The following LYAR variants were observed in gnomAD, a reference collection of about 807,000 sequenced individuals.
LYAR encodes the protein Ly1 antibody reactive, also known as cell growth-regulating nucleolar protein.
Under a neutral mutation model 45.2 loss-of-function variants are expected in LYAR, and 37 were observed. The ratio of observed to expected loss-of-function variants is 0.82; its 90% CI spans 0.63 to 1.08. The LOEUF (loss-of-function observed/expected upper bound fraction) is 1.08, where lower values mean the gene tolerates loss of function less well. Among genes scored for constraint, LYAR ranks in the 50% least tolerant of loss-of-function variants. LYAR has a pLI of 0.00. For missense variants in LYAR, 493 were observed against 451.0 expected (o/e 1.09, Z -0.84); for synonymous variants, 176 against 155.1 (o/e 1.14, Z -1.00).
Position 4,281,896 on chromosome 4 carries a change from C to T in LYAR, c.124G>A (p.Gly42Ser). The change falls in exon 4 of 10, where the codon GGC (glycine) becomes AGC (serine). Residue 42 changes from glycine to serine, a missense_variant and splice_region_variant. By Grantham distance (56) the Gly-to-Ser change is moderately conservative (BLOSUM62 0). Transcript: ENST00000343470. ...TTCACGTGGTTTTTATAGTCATCGC[C>T]CCTTTAAAGTGATCAAAAGTTCTGC... ...SCIDCGKDFWGDDYKNHVKCI... is the reference protein window; with the variant it reads ...SCIDCGKDFWSDDYKNHVKCI... 1.9e-6 allele frequency: 3 copies of T among 1,609,074 alleles called. No individual in the cohort carries two copies. The highest frequency in any genetic ancestry group is 1.7e-6 in the Non-Finnish European group (2 of 1,175,630).
intron 2 of LYAR, among the ~76,000 whole-genome samples, chr4:4,285,959 A>G (rs1307184232): frequency 2.6e-5 from 4 of 152,244 alleles, no homozygotes; most frequent in African/African-American, 9.6e-5. Flanking sequence ...TCGGCTACAC[A>G]CTACAGTGTA....
intron 7 of LYAR, among the ~76,000 whole-genome samples, chr4:4,273,983 C>T (rs62286950): frequency 0.076 from 11,634 of 152,172 alleles, 604 homozygotes; most frequent in East Asian, 0.19. Context: ...ATGCCTGTAA[C>T]CCCAGCACTT....
At chr4:4,278,525 C>A (rs1719277915) in intron 6 of LYAR, among the ~76,000 whole-genome samples, 2 of 152,174 alleles carry the variant, frequency 1.3e-5, no homozygotes, top group Non-Finnish European at 2.9e-5. Flanking sequence ...GCTTCAAGCA[C>A]ACTGCTCATC....
intron 8 of LYAR, among the ~76,000 whole-genome samples, 183 bp downstream of exon 8, chr4:4,273,400 C>T (rs890807540): frequency 2.6e-5 from 4 of 152,122 alleles, no homozygotes; most frequent in Admixed American, 1.3e-4. Context: ...TACAAGGGAC[C>T]GTGTATTTCT....
chr4:4,289,186 C>A (rs971365886), intron 1 of LYAR, among the ~76,000 whole-genome samples: 2 of 152,204 alleles, frequency 1.3e-5, no homozygotes, highest in African/African-American at 4.8e-5. Context: ...GAAGTAGGTG[C>A]ACCTATCTCC....
intron 1 of LYAR, among the ~76,000 whole-genome samples, chr4:4,288,458 T>C (rs917120877): frequency 1.3e-5 from 2 of 151,938 alleles, no homozygotes; most frequent in Non-Finnish European, 2.9e-5. Flanking sequence ...TCCCTCTATA[T>C]TTTTGTATTA....
intron 8 of LYAR, among the ~76,000 whole-genome samples, chr4:4,270,049 G>A (rs1339214368): frequency 2.0e-5 from 3 of 151,848 alleles, no homozygotes; most frequent in Non-Finnish European, 4.4e-5. Context: ...CAAGACCTCC[G>A]TCACAAAATT....
chr4:4,285,783 G>C (rs1039475773), intron 2 of LYAR, among the ~76,000 whole-genome samples: 2 of 152,158 alleles, frequency 1.3e-5, no homozygotes, highest in Non-Finnish European at 2.9e-5. Flanking sequence ...GAAAGGTTTC[G>C]ACAAGGCTTA....
intron 6 of LYAR, 73 bp from the exon 7 acceptor site, chr4:4,274,842 G>A: frequency 7.1e-7 from 1 of 1,401,244 alleles, no homozygotes. Context: ...GTTATTGCCT[G>A]GGCCTACTAC....
At position 4,279,483 on chromosome 4, in the gene LYAR, G is replaced by C; in HGVS notation, c.393C>G (p.Asp131Glu). ...CTTCAGAAAAGATATTCCACACCTG[G>C]TCCAGAATGGATTCATTATGAACTT... is the stretch of plus-strand genomic sequence containing the variant. ...SLKVHNESIL[D>E]QVWNIFSEAS... The change falls in exon 6 of 10, where the codon GAC becomes GAG. Residue 131 changes from aspartate to glutamate, a missense_variant. Transcript: ENST00000343470. 6.2e-7 allele frequency: 1 copy of C among 1,613,082 alleles called. No homozygotes were observed. The highest frequency in any genetic ancestry group is 8.5e-7 in the Non-Finnish European group (1 of 1,179,126).
At chr4:4,285,360 C>G (rs1279035017) in intron 2 of LYAR, among the ~76,000 whole-genome samples, 3 of 152,294 alleles carry the variant, frequency 2.0e-5, no homozygotes, top group African/African-American at 2.4e-5. Context: ...TATTGTCAAG[C>G]TCCTGGGAGC....
At chr4:4,275,274 G>T (rs943025575) in intron 6 of LYAR, among the ~76,000 whole-genome samples, 2 of 152,124 alleles carry the variant, frequency 1.3e-5, no homozygotes, top group African/African-American at 4.8e-5. Flanking sequence ...ATGAAACGAG[G>T]AAAGATCCGT....
In LYAR at chr4:4,279,570, T is replaced by C. The variant is rs761317360; in HGVS notation, c.346-40A>G. The C allele has an allele frequency of 3.2e-6, 5 of 1,563,084 alleles. No homozygotes were observed. The South Asian group carries it at 4.4e-5, about 14-fold the overall frequency. ...AAGAAAAAGAACTATTGATCCCACT[T>C]GGACAGGTACACACAAGCTCAGTCA... is the stretch of plus-strand genomic sequence containing the variant. On this transcript the variant is annotated intron_variant, in intron 5 of 9. Transcript: ENST00000343470.
intron 2 of LYAR, among the ~76,000 whole-genome samples, chr4:4,285,431 GGGATGAT>G (rs1350432302): frequency 4.6e-5 from 7 of 152,176 alleles, no homozygotes; most frequent in African/African-American, 1.7e-4. Context: ...AAAAGGCAGA[GGGATGAT>G]CAACATGTCA....
intron 3 of LYAR, among the ~76,000 whole-genome samples, 172 bp downstream of exon 3, chr4:4,283,449 T>C (rs1214623088): frequency 6.6e-6 from 1 of 152,224 alleles, no homozygotes. Context: ...GCGCCCGGCC[T>C]AGTAAAGCAC....
chr4:4,279,007 T>G (rs1719292644), intron 6 of LYAR, among the ~76,000 whole-genome samples: 1 of 152,124 alleles, frequency 6.6e-6, no homozygotes, highest in South Asian at 2.1e-4. Context: ...TTTCCATAAA[T>G]GAAGGCACTA....
At chr4:4,273,469 G>C in intron 8 of LYAR, 114 bp downstream of exon 8, 1 of 703,768 alleles carries the variant, frequency 1.4e-6, no homozygotes. Context: ...GCTCACTACA[G>C]CCTCACACTC....
At chr4:4,277,786 G>C (rs1325215081) in intron 6 of LYAR, among the ~76,000 whole-genome samples, 1 of 152,200 alleles carries the variant, frequency 6.6e-6, no homozygotes, top group South Asian at 2.1e-4. Flanking sequence ...GGTGAACTGT[G>C]ATGGGGTAGA....
rs890450379 is a variant in LYAR, at chr4:4,283,492, GA to G, written c.122+128del. The stretch of plus-strand genomic sequence containing the variant: ...AGAATCACACCAGTTTTAATCAATG[GA>G]ACATACCAGTTTTTAGTCTTAATTT... On this transcript the variant is annotated intron_variant, in intron 3 of 9. Coordinates refer to ENST00000343470, the MANE Select transcript of LYAR (RefSeq NM_017816.3). 7.3e-6 allele frequency: 7 copies of G among 957,570 alleles called. No homozygotes were observed. The African/African-American group carries it at 1.2e-4, about 16-fold the overall frequency. 59.3% of individuals were successfully genotyped at this position (957,570 alleles called of 1,614,324 possible). A position where few individuals can be genotyped will look rare whatever the true frequency, so the allele number is the denominator to read the frequency against.
Sources: gnomAD v4.1 joint callset for allele counts (sites outside exome capture counted in the v4.1 genomes callset) on GRCh38, gnomAD v4.1.1 for gene constraint, MANE v1.5 for transcripts, NCBI Gene and HGNC (gene_info 2026-07-23, HGNC 2026-07-21) for gene names.